KCND3: variants seen among roughly 807,000 people sequenced by gnomAD.
KCND3 encodes the protein potassium voltage-gated channel subfamily D member 3, also known as A-type voltage-gated potassium channel KCND3.
Under a neutral mutation model 51.1 loss-of-function variants are expected in KCND3, and 9 were observed. That is an observed-to-expected ratio of 0.18 (90% CI 0.11 to 0.31). The LOEUF (loss-of-function observed/expected upper bound fraction) is 0.31, where lower values mean the gene tolerates loss of function less well. KCND3 is among the 10% of genes least tolerant of loss of function. The pLI, the probability that KCND3 is intolerant of heterozygous loss-of-function variation, is 1.00. For synonymous variants in KCND3, 349 were observed against 368.0 expected, an observed-to-expected ratio of 0.95 and a Z score of 0.59; for missense variants, 526 against 903.8, an observed-to-expected ratio of 0.58 and a Z score of 5.36.
intron 2 of KCND3, among the ~76,000 whole-genome samples, chr1:111,957,511 T>G (rs551520694): frequency 6.6e-6 from 1 of 152,160 alleles, no homozygotes; most frequent in Non-Finnish European, 1.5e-5. Context: ...TGAAACAAAA[T>G]GACCTTTAAG....
intron 2 of KCND3, among the ~76,000 whole-genome samples, chr1:111,927,595 A>G (rs1441157864): frequency 1.3e-5 from 2 of 152,192 alleles, no homozygotes; most frequent in Non-Finnish European, 2.9e-5. Flanking sequence ...GTGAGTGACA[A>G]TGCTTATATG....
chr1:111,818,156 G>A (rs961988409), intron 2 of KCND3, among the ~76,000 whole-genome samples: 2 of 152,124 alleles, frequency 1.3e-5, no homozygotes, highest in Non-Finnish European at 2.9e-5. Flanking sequence ...GGTGGTTCTA[G>A]GCAGTGAAGC....
In KCND3 at chr1:111,981,477, CGGATAG is replaced by C. The variant is rs1674943110; in HGVS notation, c.1106+138_1106+143del. The stretch of plus-strand genomic sequence containing the variant: ...CAGATGACTCATGGGCTTTACCCTT[CGGATAG>C]AGCAACTTCCCCTGCCCCCAACACT... On this transcript the variant is annotated intron_variant, in intron 2 of 7. Transcript: ENST00000302127. This position sits in a 1 kb window ranked among gnomAD's most constrained non-coding sequence, Gnocchi z 6.2. 1 of 1,189,490 alleles carries C rather than the reference CGGATAG, an allele frequency of 8.4e-7. No homozygotes were observed. Among genetic ancestry groups the C allele is most frequent in the South Asian group, 1.3e-5 (1 of 74,862 alleles). 73.7% of individuals were successfully genotyped at this position (1,189,490 alleles called of 1,614,324 possible).
intron 2 of KCND3, among the ~76,000 whole-genome samples, chr1:111,978,972 A>G (rs935956600): frequency 6.6e-6 from 1 of 152,248 alleles, no homozygotes; most frequent in Admixed American, 6.5e-5. Context: ...CTAGCTAGGA[A>G]AGAGGGAAAG....
chr1:111,791,550 G>C (rs1664825129), intron 2 of KCND3, among the ~76,000 whole-genome samples: 1 of 152,236 alleles, frequency 6.6e-6, no homozygotes, highest in Non-Finnish European at 1.5e-5. Flanking sequence ...CTGTCGCTTA[G>C]CTGTTCCATC....
chr1:111,910,884 G>A (rs1316646751), intron 2 of KCND3: 1 of 152,182 alleles, frequency 6.6e-6, no homozygotes, highest in African/African-American at 2.4e-5. Flanking sequence ...ATCCAAATGA[G>A]TTTATTTGTC....
intron 2 of KCND3, among the ~76,000 whole-genome samples, chr1:111,958,032 G>A (rs547020140): frequency 5.3e-5 from 8 of 152,140 alleles, no homozygotes; most frequent in Non-Finnish European, 1.0e-4. Flanking sequence ...GCAACTCAGG[G>A]TGTAGCAGGA....
chr1:111,897,370 G>A (rs1318378175), intron 2 of KCND3, among the ~76,000 whole-genome samples: 1 of 151,330 alleles, frequency 6.6e-6, no homozygotes, highest in African/African-American at 2.4e-5. Context: ...GCCCTTGGCA[G>A]GGCACCTGGA....
At chr1:111,806,898 C>G (rs1342272172) in intron 2 of KCND3, among the ~76,000 whole-genome samples, 1 of 152,188 alleles carries the variant, frequency 6.6e-6, no homozygotes, top group African/African-American at 2.4e-5. Context: ...AAGTTGGGGT[C>G]CTGAAGTGCT....
intron 2 of KCND3, among the ~76,000 whole-genome samples, chr1:111,844,327 A>G (rs1184961716): frequency 5.9e-5 from 9 of 152,284 alleles, no homozygotes; most frequent in South Asian, 4.1e-4. Flanking sequence ...CCACTTCAGA[A>G]TTATTCCTTT....
At chr1:111,829,311 C>A (rs1029786905) in intron 2 of KCND3, among the ~76,000 whole-genome samples, 1 of 151,592 alleles carries the variant, frequency 6.6e-6, no homozygotes, top group Admixed American at 6.6e-5. Context: ...GTGGTAGGGA[C>A]AATTCAAATG....
intron 2 of KCND3, among the ~76,000 whole-genome samples, chr1:111,939,860 A>G (rs1672410419): frequency 6.6e-6 from 1 of 152,170 alleles, no homozygotes; most frequent in African/African-American, 2.4e-5. Context: ...GTGTAAAAGC[A>G]TTCCTATTTC....
At chr1:111,908,445 C>T (rs1230018481) in intron 2 of KCND3, among the ~76,000 whole-genome samples, 1 of 152,238 alleles carries the variant, frequency 6.6e-6, no homozygotes, top group African/African-American at 2.4e-5. Flanking sequence ...CCCAAGTTTA[C>T]ACTTGTAAGC....
At chr1:111,952,695 C>G (rs532633352) in intron 2 of KCND3, among the ~76,000 whole-genome samples, 67 of 152,328 alleles carry the variant, frequency 4.4e-4, no homozygotes, top group African/African-American at 1.6e-3. Context: ...GAAGGATGGA[C>G]TTCCCCAGGT....
intron 2 of KCND3, among the ~76,000 whole-genome samples, chr1:111,854,291 G>C (rs1667955038): frequency 6.6e-6 from 1 of 152,118 alleles, no homozygotes; most frequent in Non-Finnish European, 1.5e-5. Flanking sequence ...GTAATATTTG[G>C]GACATATTTA....
chr1:111,848,383 A>G (rs115996437), intron 2 of KCND3, among the ~76,000 whole-genome samples: 1,601 of 152,310 alleles, frequency 0.011, 22 homozygotes, highest in African/African-American at 0.035. Context: ...AGAAAGTCCA[A>G]TGGAAATGTC....
In KCND3 at chr1:111,776,096, A is replaced by C. The variant is rs1557929572; in HGVS notation, c.1949T>G (p.Val650Gly). The C allele has an allele frequency of 6.2e-7, 1 of 1,614,170 alleles. No homozygotes were observed. Among genetic ancestry groups the C allele is most frequent in the Non-Finnish European group, 8.5e-7 (1 of 1,180,020 alleles). Residue 650 changes from valine (V) to glycine (G), a missense_variant, in exon 8 of 8, where the codon GTC becomes GGC. Val to Gly is a moderately radical substitution (Grantham distance 109). Around this residue, in one of 5 missense-constraint regions of KCND3, gnomAD observed 266 missense variants for 305.5 expected, o/e 0.87. Transcript: ENST00000302127. ...TNIPSIASNV[V>G]KVSAL ...GTGGTTTTACAAGGCGGAGACCTTGACAACATTGCTGGCTATGGAAGGAAT... is the reference window on the plus strand; with the variant it reads ...GTGGTTTTACAAGGCGGAGACCTTGCCAACATTGCTGGCTATGGAAGGAAT...
intron 2 of KCND3, among the ~76,000 whole-genome samples, chr1:111,974,138 G>T (rs1401225701): frequency 6.6e-6 from 1 of 152,164 alleles, no homozygotes; most frequent in Non-Finnish European, 1.5e-5. Flanking sequence ...TTGGAGGGAG[G>T]TAAGAGTGGG....
chr1:111,881,971 T>C (rs921973746), intron 2 of KCND3, among the ~76,000 whole-genome samples: 2 of 152,078 alleles, frequency 1.3e-5, no homozygotes, highest in Non-Finnish European at 2.9e-5. Flanking sequence ...AATGATCAGG[T>C]TTATTCCTGG....
Sources: gnomAD v4.1 joint callset for allele counts (sites outside exome capture counted in the v4.1 genomes callset) on GRCh38, gnomAD v4.1.1 for gene constraint, gnomAD v4.1.1 regional missense constraint, Gnocchi (gnomAD v3.1) non-coding constraint, MANE v1.5 for transcripts, NCBI Gene and HGNC (gene_info 2026-07-23, HGNC 2026-07-21) for gene names.